The following CORIN variants were observed in gnomAD, a reference collection of about 807,000 sequenced individuals.
CORIN encodes the protein atrial natriuretic peptide-converting enzyme.
In CORIN, 117 loss-of-function variants were observed where a neutral mutation model predicts 125.3. The ratio of observed to expected loss-of-function variants is 0.93; its 90% confidence interval spans 0.80 to 1.09. The LOEUF (loss-of-function observed/expected upper bound fraction) is 1.09. CORIN is among the 50% of genes least tolerant of loss of function. The pLI, the probability that CORIN is intolerant of heterozygous loss-of-function variation, is 0.00. For synonymous variants in CORIN, 450 were observed against 466.4 expected, an observed-to-expected ratio of 0.96 and a Z score of 0.45; for missense variants, 1,253 against 1,306.7, an observed-to-expected ratio of 0.96 and a Z score of 0.63.
At chr4:47,779,995 AG>A (rs763117027) in intron 3 of CORIN, among the ~76,000 whole-genome samples, 7 of 152,182 alleles carry the variant, frequency 4.6e-5, no homozygotes, top group Non-Finnish European at 1.0e-4. Flanking sequence ...TAGTTCACTG[AG>A]GGGGAAAAAG....
chr4:47,833,924 A>G (rs1417311015), intron 1 of CORIN, among the ~76,000 whole-genome samples: 1 of 152,204 alleles, frequency 6.6e-6, no homozygotes, highest in Non-Finnish European at 1.5e-5. Flanking sequence ...TGCCAAGAAA[A>G]TGCATCTCTT....
intron 1 of CORIN, among the ~76,000 whole-genome samples, chr4:47,813,272 C>T (rs922843559): frequency 1.3e-5 from 2 of 152,162 alleles, no homozygotes; most frequent in Admixed American, 1.3e-4. Context: ...CAGCAAAGTC[C>T]CTTGAGTCAC....
At chr4:47,835,460 G>C (rs566098880) in intron 1 of CORIN, among the ~76,000 whole-genome samples, 2 of 152,252 alleles carry the variant, frequency 1.3e-5, no homozygotes, top group South Asian at 4.1e-4. Context: ...GAAACCCTAA[G>C]ACCACAAGTC....
At chr4:47,700,717 A>G (rs368113914) in intron 5 of CORIN, among the ~76,000 whole-genome samples, 3 of 152,192 alleles carry the variant, frequency 2.0e-5, no homozygotes, top group African/African-American at 7.2e-5. Context: ...GCTGCCCCAC[A>G]CAGCCATTCC....
intron 5 of CORIN, among the ~76,000 whole-genome samples, chr4:47,717,518 G>T (rs575263271): frequency 6.6e-6 from 1 of 152,012 alleles, no homozygotes; most frequent in Non-Finnish European, 1.5e-5. Flanking sequence ...TCCAACACTG[G>T]CTCAGACCAC....
At chr4:47,657,969 A>G (rs1724070524) in intron 12 of CORIN, among the ~76,000 whole-genome samples, 1 of 152,088 alleles carries the variant, frequency 6.6e-6, no homozygotes, top group African/African-American at 2.4e-5. Flanking sequence ...TTCAAAATAC[A>G]ATATCTCTTC....
rs143738568 is a variant in CORIN, at chr4:47,693,030, C to G, written c.853G>C (p.Gly285Arg). The G allele has an allele frequency of 1.4e-5, 23 of 1,613,624 alleles. No individual in the cohort carries two copies. In the African/African-American group the frequency reaches 3.1e-4, roughly 22 times the overall value. Residue 285 changes from glycine to arginine, a missense_variant, in exon 6 of 22, where the codon GGG becomes CGG. By Grantham distance (125) the Gly-to-Arg change is moderately radical (BLOSUM62 -2). Transcript: ENST00000273857. ...FLCASGICIPGKLQCNGYNDC... is the reference protein window; with the variant it reads ...FLCASGICIPRKLQCNGYNDC... ...TTGTAGCCATTACATTGCAGTTTCCCGGGGATGCAGATTCCACTGGCACAC... is the reference window on the plus strand; with the variant it reads ...TTGTAGCCATTACATTGCAGTTTCCGGGGGATGCAGATTCCACTGGCACAC...
At chr4:47,781,977 A>C (rs1265569341) in intron 3 of CORIN, among the ~76,000 whole-genome samples, 1 of 151,840 alleles carries the variant, frequency 6.6e-6, no homozygotes, top group Non-Finnish European at 1.5e-5. Context: ...AGAAGAAATA[A>C]AGAAGGACAT....
intron 2 of CORIN, among the ~76,000 whole-genome samples, chr4:47,796,784 A>C (rs1272149586): frequency 6.6e-6 from 1 of 152,060 alleles, no homozygotes; most frequent in Non-Finnish European, 1.5e-5. Context: ...CAAATAAATA[A>C]ATAAATGCTA....
intron 5 of CORIN, among the ~76,000 whole-genome samples, chr4:47,741,977 AGAT>A (rs1369924214): frequency 6.6e-6 from 1 of 152,010 alleles, no homozygotes; most frequent in Non-Finnish European, 1.5e-5. Context: ...AAATTATTAT[AGAT>A]GATTATGATG....
rs749636619 is a variant in CORIN, at chr4:47,683,767, C to T, written c.985G>A (p.Asp329Asn). ...LNYSLVCDGY[D>N]DCGDLSDEQN... ...TCATCACTCAAATCCCCACAGTCATCATATCCATCACACACAAGGCTGTAA... is the reference window on the plus strand; with the variant it reads ...TCATCACTCAAATCCCCACAGTCATTATATCCATCACACACAAGGCTGTAA... Residue 329 changes from aspartate (D) to asparagine (N), a missense_variant, in exon 7 of 22, where the codon GAT becomes AAT. Transcript: ENST00000273857. The T allele has an allele frequency of 1.9e-6, 3 of 1,613,816 alleles. No individual in the cohort carries two copies. In the East Asian group the frequency reaches 6.7e-5, roughly 36 times the overall value.
intron 5 of CORIN, among the ~76,000 whole-genome samples, chr4:47,694,855 A>C (rs1725916339): frequency 6.9e-6 from 1 of 145,774 alleles, no homozygotes; most frequent in Non-Finnish European, 1.5e-5. Context: ...ATAAAGCAGA[A>C]AAAAAACAAA....
At chr4:47,753,222 G>A (rs563794528) in intron 4 of CORIN, among the ~76,000 whole-genome samples, 1 of 152,216 alleles carries the variant, frequency 6.6e-6, no homozygotes, top group African/African-American at 2.4e-5. Context: ...TACGAACAAG[G>A]AATAGGTCAC....
chr4:47,677,897 C>G (rs1725098996), intron 9 of CORIN, 41 bp downstream of exon 9: 5 of 1,361,068 alleles, frequency 3.7e-6, no homozygotes, highest in Non-Finnish European at 5.3e-6. Flanking sequence ...AGGAGAGGAC[C>G]ACCAGTAAAG....
At chr4:47,701,777 G>T (rs1462293840) in intron 5 of CORIN, among the ~76,000 whole-genome samples, 1 of 115,288 alleles carries the variant, frequency 8.7e-6, no homozygotes, top group African/African-American at 3.2e-5. Context: ...GAAATCTAAA[G>T]AATCTTAATT....
chr4:47,799,156 A>G (rs1731425564), intron 2 of CORIN, among the ~76,000 whole-genome samples: 2 of 146,566 alleles, frequency 1.4e-5, no homozygotes, highest in South Asian at 4.3e-4. Context: ...TATGTCTCCC[A>G]TGTTTTCTTT....
intron 13 of CORIN, among the ~76,000 whole-genome samples, chr4:47,650,230 A>T (rs1560488868): frequency 6.6e-6 from 1 of 152,252 alleles, no homozygotes; most frequent in African/African-American, 2.4e-5. Context: ...GAAGATAAAC[A>T]GAAAGTCACT....
intron 12 of CORIN, 51 bp downstream of exon 12, chr4:47,661,660 A>G: frequency 6.7e-7 from 1 of 1,488,338 alleles, no homozygotes; most frequent in Non-Finnish European, 9.1e-7. Context: ...AAAGGTAGCT[A>G]ACATGTTCAT....
chr4:47,614,854 T>C (rs1244791475), intron 19 of CORIN, among the ~76,000 whole-genome samples: 4 of 152,158 alleles, frequency 2.6e-5, no homozygotes, highest in South Asian at 2.1e-4. Context: ...CATGTCTTCA[T>C]AGAGTTTTCA....
Sources: allele counts gnomAD v4.1 joint callset (sites outside exome capture counted in the v4.1 genomes callset), GRCh38; gene constraint gnomAD v4.1.1; transcripts MANE v1.5; gene names NCBI Gene and HGNC (gene_info 2026-07-23, HGNC 2026-07-21).